The following LRP6 variants were observed in gnomAD, a reference collection of about 807,000 sequenced individuals.
LRP6 encodes the protein LDL receptor related protein 6.
A neutral mutation model predicts 184.1 loss-of-function variants in LRP6; 43 were observed. The ratio of observed to expected loss-of-function variants is 0.23; its 90% CI spans 0.18 to 0.30. LRP6 has a LOEUF of 0.30. Among genes scored for constraint, LRP6 ranks in the 10% least tolerant of loss-of-function variants. LRP6 has a pLI of 1.00. For missense variants in LRP6, 1,571 were observed against 2,005.3 expected (o/e 0.78, Z 4.14); for synonymous variants, 719 against 684.9 (o/e 1.05, Z -0.78).
chr12:12,219,848 AC>A (rs1405278033), intron 2 of LRP6, among the ~76,000 whole-genome samples: 3 of 152,230 alleles, frequency 2.0e-5, no homozygotes, highest in East Asian at 1.9e-4. Flanking sequence ...AGACAAACCA[AC>A]CCCGACTTTG....
intron 16 of LRP6, among the ~76,000 whole-genome samples, chr12:12,135,799 CTTATATAT>C (rs1377656930): frequency 6.6e-6 from 1 of 151,828 alleles, no homozygotes; most frequent in Non-Finnish European, 1.5e-5. Flanking sequence ...AACCACTGTC[CTTATATAT>C]TTATATATAA....
At chr12:12,225,478 T>C (rs1288835169) in intron 2 of LRP6, among the ~76,000 whole-genome samples, 2 of 152,134 alleles carry the variant, frequency 1.3e-5, no homozygotes, top group Non-Finnish European at 2.9e-5. Context: ...TAAATTGCGA[T>C]TGATGACTTG....
intron 1 of LRP6, among the ~76,000 whole-genome samples, chr12:12,259,734 C>A (rs1299249512): frequency 7.9e-5 from 12 of 152,180 alleles, no homozygotes; most frequent in African/African-American, 2.9e-4. Context: ...AGCAAACAGC[C>A]TGTTCTTAGA....
At chr12:12,131,374 C>T (rs9630250) in intron 18 of LRP6, among the ~76,000 whole-genome samples, 11,322 of 152,180 alleles carry the variant, frequency 0.074, 496 homozygotes, top group Admixed American at 0.11. Context: ...TCCCAAAGTG[C>T]TGGGATTACA....
intron 3 of LRP6, chr12:12,187,572 T>C (rs766571519): frequency 2.0e-5 from 4 of 198,302 alleles, no homozygotes; most frequent in Non-Finnish European, 3.1e-5. Flanking sequence ...CAATAGGTTT[T>C]TTCCTTCTTG....
At chr12:12,246,298 C>T (rs1045305228) in intron 1 of LRP6, among the ~76,000 whole-genome samples, 12 of 151,990 alleles carry the variant, frequency 7.9e-5, no homozygotes, top group African/African-American at 2.2e-4. Flanking sequence ...TGAGCCACTG[C>T]GCCCGGCCCC....
intron 2 of LRP6, among the ~76,000 whole-genome samples, chr12:12,230,527 TC>T (rs1265984022): frequency 6.6e-6 from 1 of 152,138 alleles, no homozygotes; most frequent in Non-Finnish European, 1.5e-5. Context: ...GTGACCCAGA[TC>T]TATACTAGAT....
intron 3 of LRP6, among the ~76,000 whole-genome samples, chr12:12,202,883 C>A (rs943492373): frequency 7.9e-5 from 12 of 152,266 alleles, no homozygotes; most frequent in African/African-American, 2.9e-4. Flanking sequence ...ACTCCCAGTC[C>A]TTGGGTTAAA....
In LRP6 at chr12:12,164,498, G is replaced by A; in HGVS notation, c.1827C>T (p.Gly609=). The A allele has an allele frequency of 1.2e-6, 2 of 1,614,174 alleles. No homozygotes were observed. The highest frequency in any genetic ancestry group is 1.7e-6 in the Non-Finnish European group (2 of 1,180,032). ...AGCCAATAGGGCAAGCACAGCGAAG[G>A]CCCTGAGGTCTATAGAGGCAGAGAT... ...CSHLCLYRPQ[G]LRCACPIGFE... is the part of the protein sequence containing the mutation. The change falls in exon 9 of 23, where the codon GGC becomes GGT. Residue 609 remains glycine, a synonymous_variant. Transcript: ENST00000261349.
At chr12:12,170,853 CTTT>C (rs754298133) in intron 7 of LRP6, among the ~76,000 whole-genome samples, 1 of 149,830 alleles carries the variant, frequency 6.7e-6, no homozygotes, top group African/African-American at 2.4e-5. Flanking sequence ...AAAAAAACTA[CTTT>C]TTTTCTTCTT....
intron 2 of LRP6, among the ~76,000 whole-genome samples, chr12:12,216,066 T>C (rs372567482): frequency 2.6e-5 from 4 of 152,154 alleles, no homozygotes; most frequent in Non-Finnish European, 2.9e-5. Context: ...ATCTGCCTAA[T>C]TGCTTCATCT....
At chr12:12,126,291 C>G (rs1949670092) in intron 20 of LRP6, among the ~76,000 whole-genome samples, 1 of 152,156 alleles carries the variant, frequency 6.6e-6, no homozygotes, top group South Asian at 2.1e-4. Flanking sequence ...TCTTTGTTGG[C>G]TGAAGGGAAT....
At chr12:12,160,337 T>C (rs1862709622) in intron 10 of LRP6, among the ~76,000 whole-genome samples, 1 of 152,240 alleles carries the variant, frequency 6.6e-6, no homozygotes, top group African/African-American at 2.4e-5. Context: ...GAGTAAAATA[T>C]TTTTATATAC....
At chr12:12,235,813 C>G (rs1025399453) in intron 2 of LRP6, among the ~76,000 whole-genome samples, 1 of 152,060 alleles carries the variant, frequency 6.6e-6, no homozygotes, top group African/African-American at 2.4e-5. Flanking sequence ...AAATACCATT[C>G]TCTAATAAAA....
At chr12:12,147,911 G>A (rs559260705) in intron 14 of LRP6, among the ~76,000 whole-genome samples, 16 of 151,850 alleles carry the variant, frequency 1.1e-4, no homozygotes, top group Admixed American at 7.9e-4. Flanking sequence ...GGAGGCAGAG[G>A]TTGCAGTGAG....
At chr12:12,176,810 CTATAAACACA>C (rs1226842904) in intron 7 of LRP6, among the ~76,000 whole-genome samples, 1 of 149,128 alleles carries the variant, frequency 6.7e-6, no homozygotes, top group Non-Finnish European at 1.5e-5. Context: ...TCCAAATGTA[CTATAAACACA>C]TATACAACAG....
intron 7 of LRP6, among the ~76,000 whole-genome samples, chr12:12,174,775 C>A (rs1863129345): frequency 6.6e-6 from 1 of 152,170 alleles, no homozygotes; most frequent in Admixed American, 6.5e-5. Context: ...GAACATTCAG[C>A]AAATGCCAAG....
Position 12,184,040 on chromosome 12 carries a change from A to G in LRP6, c.916T>C (p.Tyr306His), listed in dbSNP as rs762427009. ...LCLMSPVKPF[Y>H]QCACPTGVKL... ...ACCCCAGTGGGGCAAGCACACTGAT[A>G]AAAAGGCTTGACTGGAGACATCAAA... The change falls in exon 5 of 23, where the codon TAT (tyrosine) becomes CAT (histidine). Residue 306 changes from tyrosine (Y) to histidine (H), a missense_variant. Physicochemically the swap from Tyr to His is moderately conservative, Grantham distance 83 (BLOSUM62 2). Around this residue, in one of 4 missense-constraint regions of LRP6, gnomAD observed 640 missense variants for 851.9 expected, o/e 0.75. Coordinates refer to ENST00000261349, the MANE Select transcript of LRP6 (RefSeq NM_002336.3). The G allele has an allele frequency of 2.2e-5, 35 of 1,613,158 alleles. No individual in the cohort carries two copies. Among genetic ancestry groups the G allele is most frequent in the Middle Eastern group, 1.6e-4 (1 of 6,084 alleles).
chr12:12,217,606 T>C (rs549286664), intron 2 of LRP6, among the ~76,000 whole-genome samples: 3 of 152,230 alleles, frequency 2.0e-5, no homozygotes, highest in East Asian at 1.9e-4. Flanking sequence ...TTAAAAGCTA[T>C]AGGGACTCAG....
Sources: allele counts gnomAD v4.1 joint callset (sites outside exome capture counted in the v4.1 genomes callset), GRCh38; gene constraint gnomAD v4.1.1; regional missense constraint gnomAD v4.1.1; transcripts MANE v1.5; gene names NCBI Gene and HGNC (gene_info 2026-07-23, HGNC 2026-07-21).